The following PTPRM variants were observed in gnomAD, a reference collection of about 807,000 sequenced individuals.
PTPRM encodes the protein receptor-type tyrosine-protein phosphatase mu.
In PTPRM, 47 loss-of-function variants were observed where a neutral mutation model predicts 186.7. The observed-to-expected ratio is 0.25, with a 90% CI of 0.20 to 0.32. The LOEUF is 0.32. Among genes scored for constraint, PTPRM ranks in the 10% least tolerant of loss-of-function variants. PTPRM has a pLI of 1.00. For missense variants in PTPRM, 1,494 were observed against 1,865.0 expected, an observed-to-expected ratio of 0.80 and a Z score of 3.66; for synonymous variants, 668 against 674.9, an observed-to-expected ratio of 0.99 and a Z score of 0.16.
At chr18:7,822,513 A>C (rs1203554124) in intron 2 of PTPRM, among the ~76,000 whole-genome samples, 1 of 152,190 alleles carries the variant, frequency 6.6e-6, no homozygotes, top group Non-Finnish European at 1.5e-5. Context: ...AGAATCTTGC[A>C]TATAAAATGG....
At position 7,862,349 on chromosome 18, in the gene PTPRM, G is replaced by A. The variant is rs373389852; in HGVS notation, c.197-25757G>A. 5.0e-3 allele frequency among the ~76,000 whole-genome samples: 756 copies of A among 152,204 alleles called. 6 individuals carry two copies. Among genetic ancestry groups the A allele is most frequent in the African/African-American group, 0.017 (713 of 41,508 alleles). Reference sequence around the variant, plus strand: ...CTTCTCATTTTTTAGTGATGACAACGTCACAAATACTGCTAATAAAATTGT... The same window carrying A: ...CTTCTCATTTTTTAGTGATGACAACATCACAAATACTGCTAATAAAATTGT... On this transcript the variant is annotated intron_variant, in intron 2 of 32. Transcript: ENST00000580170.
intron 2 of PTPRM, among the ~76,000 whole-genome samples, chr18:7,872,667 G>A (rs1366567697): frequency 6.6e-6 from 1 of 152,196 alleles, no homozygotes; most frequent in African/African-American, 2.4e-5. Context: ...AGTGATTCAC[G>A]TGGCATCTCT....
At chr18:8,340,783 A>C (rs2095469803) in intron 22 of PTPRM, among the ~76,000 whole-genome samples, 1 of 152,220 alleles carries the variant, frequency 6.6e-6, no homozygotes, top group South Asian at 2.1e-4. Flanking sequence ...TTGATGCTAT[A>C]GATCAGGAGA....
intron 1 of PTPRM, among the ~76,000 whole-genome samples, chr18:7,645,427 A>G (rs1043450266): frequency 2.0e-5 from 3 of 152,216 alleles, no homozygotes; most frequent in Non-Finnish European, 2.9e-5. Context: ...CAAAATGGTA[A>G]AGCTTTAGTT....
intron 14 of PTPRM, among the ~76,000 whole-genome samples, chr18:8,234,494 G>T (rs2094321801): frequency 6.6e-6 from 1 of 152,094 alleles, no homozygotes; most frequent in Non-Finnish European, 1.5e-5. Flanking sequence ...GGTTCTTTCA[G>T]ATTTTTTTAC....
chr18:7,653,677 A>G (rs1598304599), intron 1 of PTPRM, among the ~76,000 whole-genome samples: 2 of 152,126 alleles, frequency 1.3e-5, no homozygotes, highest in Admixed American at 6.5e-5. Context: ...ATGGTATTCT[A>G]TGGTGTGTAT....
chr18:7,848,627 G>A (rs2046713329), intron 2 of PTPRM, among the ~76,000 whole-genome samples: 2 of 151,814 alleles, frequency 1.3e-5, no homozygotes, highest in Non-Finnish European at 2.9e-5. Context: ...AAAAAAATTA[G>A]CCAGGAATGC....
chr18:7,797,735 T>G (rs1039962381), intron 2 of PTPRM, among the ~76,000 whole-genome samples: 10 of 151,778 alleles, frequency 6.6e-5, no homozygotes, highest in Non-Finnish European at 1.2e-4. Flanking sequence ...AACATCGAGT[T>G]CCTAGAAGAT....
intron 14 of PTPRM, among the ~76,000 whole-genome samples, chr18:8,184,001 T>C (rs1270620055): frequency 2.0e-5 from 3 of 152,162 alleles, no homozygotes; most frequent in Non-Finnish European, 4.4e-5. Context: ...TATGCTGATC[T>C]CCCAAGATAC....
intron 1 of PTPRM, among the ~76,000 whole-genome samples, chr18:7,605,668 A>C (rs2037514279): frequency 6.6e-6 from 1 of 152,168 alleles, no homozygotes; most frequent in African/African-American, 2.4e-5. Flanking sequence ...TGTTAACCAT[A>C]CACTACTTAT....
At chr18:7,794,212 G>A (rs2043486070) in intron 2 of PTPRM, among the ~76,000 whole-genome samples, 1 of 152,172 alleles carries the variant, frequency 6.6e-6, no homozygotes, top group Non-Finnish European at 1.5e-5. Flanking sequence ...TTGTGATAGG[G>A]CAGGGGGTCT....
At chr18:8,306,148 C>A (rs868444791) in intron 20 of PTPRM, among the ~76,000 whole-genome samples, 1 of 152,262 alleles carries the variant, frequency 6.6e-6, no homozygotes, top group Non-Finnish European at 1.5e-5. Flanking sequence ...CCGCCCACCT[C>A]GGCCTCCCAA....
chr18:8,057,425 CTTT>C (rs763829289), intron 7 of PTPRM, among the ~76,000 whole-genome samples: 1,548 of 102,502 alleles, frequency 0.015, 18 homozygotes, highest in African/African-American at 0.063. Context: ...TGTGATACTT[CTTT>C]TTTTTTTTTT....
At chr18:7,582,773 T>A (rs2036879103) in intron 1 of PTPRM, among the ~76,000 whole-genome samples, 2 of 152,226 alleles carry the variant, frequency 1.3e-5, no homozygotes, top group East Asian at 3.9e-4. Flanking sequence ...TTCGGTGAAC[T>A]CACTTCCTTA....
intron 2 of PTPRM, among the ~76,000 whole-genome samples, chr18:7,837,457 AAC>A (rs1337392597): frequency 2.0e-5 from 3 of 151,882 alleles, no homozygotes; most frequent in South Asian, 4.2e-4. Context: ...TCAAACTCAA[AAC>A]ACATTTTTTT....
intron 7 of PTPRM, among the ~76,000 whole-genome samples, chr18:8,004,756 G>C (rs1311555049): frequency 6.6e-6 from 1 of 152,176 alleles, no homozygotes; most frequent in African/African-American, 2.4e-5. Context: ...AAGGAGCCAG[G>C]AGGAGAGCTT....
At chr18:8,032,069 A>G in intron 7 of PTPRM, among the ~76,000 whole-genome samples, 1 of 152,218 alleles carries the variant, frequency 6.6e-6, no homozygotes, top group East Asian at 1.9e-4. Flanking sequence ...TGTTCATAGT[A>G]TTCTCTTCCT....
intron 7 of PTPRM, among the ~76,000 whole-genome samples, chr18:7,960,480 T>TATATATATATATATATACACAC (rs1300573371): frequency 1.2e-4 from 10 of 86,594 alleles, no homozygotes; most frequent in African/African-American, 4.4e-4. Flanking sequence ...TATATATATA[T>TATATATATATATATATACACAC]ACACACACAC....
intron 2 of PTPRM, among the ~76,000 whole-genome samples, chr18:7,856,787 A>G (rs200607390): frequency 6.6e-6 from 1 of 151,462 alleles, no homozygotes; most frequent in African/African-American, 2.4e-5. Flanking sequence ...TTTGAATGAC[A>G]CTACTGTTAT....
Sources: allele counts gnomAD v4.1 joint callset (sites outside exome capture counted in the v4.1 genomes callset), GRCh38; gene constraint gnomAD v4.1.1; transcripts MANE v1.5; gene names NCBI Gene and HGNC (gene_info 2026-07-23, HGNC 2026-07-21).